Variants in SOX5 observed in about 807,000 individuals in gnomAD.
The protein encoded by SOX5 is SRY-box transcription factor 5, also known as transcription factor SOX-5.
A neutral mutation model predicts 92.0 loss-of-function variants in SOX5; 9 were observed. That is an observed-to-expected ratio of 0.10 (90% CI 0.06 to 0.17). The LOEUF is 0.17. Among genes scored for constraint, SOX5 ranks in the 10% least tolerant of loss-of-function variants. SOX5 has a pLI of 1.00. For synonymous variants in SOX5, 344 were observed against 336.3 expected, an observed-to-expected ratio of 1.02 and a Z score of -0.25; for missense variants, 642 against 944.5, an observed-to-expected ratio of 0.68 and a Z score of 4.20.
At chr12:23,826,908 A>G (rs1413644281) in intron 3 of SOX5, among the ~76,000 whole-genome samples, 4 of 152,226 alleles carry the variant, frequency 2.6e-5, no homozygotes, top group African/African-American at 9.6e-5. Flanking sequence ...GAAACAGTGA[A>G]TCAATTCTTA....
At chr12:23,908,189 TTTC>T (rs1469188135) in intron 1 of SOX5, among the ~76,000 whole-genome samples, 1 of 152,166 alleles carries the variant, frequency 6.6e-6, no homozygotes, top group Non-Finnish European at 1.5e-5. Flanking sequence ...CTAGTTTTAA[TTTC>T]TTTTGTTTTC....
intron 3 of SOX5, among the ~76,000 whole-genome samples, chr12:23,761,384 C>T (rs1304450133): frequency 1.3e-5 from 2 of 152,076 alleles, no homozygotes; most frequent in Admixed American, 6.6e-5. Flanking sequence ...AGATTTAGAT[C>T]ATTTTAGGTA....
intron 3 of SOX5, among the ~76,000 whole-genome samples, chr12:23,819,122 A>G (rs538036907): frequency 6.6e-6 from 1 of 152,384 alleles, no homozygotes; most frequent in African/African-American, 2.4e-5. Flanking sequence ...TATGTACTGT[A>G]CATAACTGTA....
At chr12:24,547,121 G>A (rs1325300156) in intron 1 of SOX5, among the ~76,000 whole-genome samples, 1 of 151,998 alleles carries the variant, frequency 6.6e-6, no homozygotes, top group Non-Finnish European at 1.5e-5. Context: ...AGGAAGTAGG[G>A]GTAGGAGGAG....
At chr12:23,581,447 T>C (rs1950029104) in intron 9 of SOX5, among the ~76,000 whole-genome samples, 2 of 152,132 alleles carry the variant, frequency 1.3e-5, no homozygotes, top group African/African-American at 4.8e-5. Flanking sequence ...TCATTCCATA[T>C]CACAGGTATC....
chr12:23,888,535 A>T (rs922873150), intron 2 of SOX5, among the ~76,000 whole-genome samples: 5 of 152,204 alleles, frequency 3.3e-5, no homozygotes, highest in Non-Finnish European at 1.5e-5. Context: ...TTCTCAGTTT[A>T]ACATTTGACT....
At chr12:23,840,326 A>G (rs571853484) in intron 3 of SOX5, among the ~76,000 whole-genome samples, 5 of 152,204 alleles carry the variant, frequency 3.3e-5, no homozygotes, top group Non-Finnish European at 7.4e-5. Context: ...CTCACCAGGA[A>G]TCATTAAAGA....
intron 2 of SOX5, among the ~76,000 whole-genome samples, chr12:23,875,346 C>G (rs1300473818): frequency 6.6e-6 from 1 of 152,074 alleles, no homozygotes; most frequent in Non-Finnish European, 1.5e-5. Context: ...AAGTTGGCTG[C>G]TGAAAGGTTT....
chr12:24,331,577 T>C (rs1810065), intron 2 of SOX5, among the ~76,000 whole-genome samples: 21,565 of 151,732 alleles, frequency 0.14, 3,265 homozygotes, highest in East Asian at 0.83. Context: ...AGGCCGGGCG[T>C]GGTGGCTCAC....
intron 6 of SOX5, among the ~76,000 whole-genome samples, chr12:23,705,292 G>T (rs915202412): frequency 6.6e-6 from 1 of 151,952 alleles, no homozygotes; most frequent in Non-Finnish European, 1.5e-5. Context: ...GTAAAAGAGC[G>T]CTGCATGTTT....
In SOX5 at chr12:24,526,644, C is replaced by T. The variant is rs114920756; in HGVS notation, c.-251+35685G>A. Reference sequence around the variant, plus strand: ...GAAGAGTGGGCTCCCCCAACCACAACAAGCCAGGCTCTCTCCCATCACTGG... The same window carrying T: ...GAAGAGTGGGCTCCCCCAACCACAATAAGCCAGGCTCTCTCCCATCACTGG... On this transcript the variant is annotated intron_variant, in intron 1 of 4. Transcript: ENST00000446891. 3.0e-3 allele frequency among the ~76,000 whole-genome samples: 449 copies of T among 152,198 alleles called. 2 individuals carry two copies. Among genetic ancestry groups the T allele is most frequent in the African/African-American group, 0.01 (436 of 41,532 alleles).
In SOX5 at chr12:23,665,467, C is replaced by A. The variant is rs2083644057; in HGVS notation, c.908G>T (p.Gly303Val). The change falls in exon 7 of 15, where the codon GGC (glycine) becomes GTC (valine). Residue 303 changes from glycine (G) to valine (V), a missense_variant. Physicochemically the swap from Gly to Val is moderately radical, Grantham distance 109. Around this residue, in one of 8 missense-constraint regions of SOX5, gnomAD observed 324 missense variants for 461.6 expected, o/e 0.70. Coordinates refer to ENST00000451604, the MANE Select transcript of SOX5 (RefSeq NM_006940.6). ...ACTACATCCAGCCTTATAGCTGAAG[C>A]CTGGAGGGAGGAGGAATCCTTGCTG... The part of the protein sequence containing the change: ...AAQQGFLLPP[G>V]FSYKAGCSDP... 1.2e-6 allele frequency: 2 copies of A among 1,613,502 alleles called. No individual in the cohort carries two copies. Among genetic ancestry groups the A allele is most frequent in the Non-Finnish European group, 1.7e-6 (2 of 1,179,602 alleles).
intron 4 of SOX5, among the ~76,000 whole-genome samples, chr12:24,117,271 C>T (rs1261652915): frequency 6.6e-6 from 1 of 152,160 alleles, no homozygotes; most frequent in Non-Finnish European, 1.5e-5. Flanking sequence ...GATATCACCT[C>T]ACACCTGTTA....
intron 10 of SOX5, among the ~76,000 whole-genome samples, chr12:23,570,114 A>G (rs61923842): frequency 0.024 from 3,644 of 152,314 alleles, 74 homozygotes; most frequent in Non-Finnish European, 0.037. Context: ...TGCCACACAA[A>G]TCTTATTTAC....
intron 2 of SOX5, among the ~76,000 whole-genome samples, chr12:24,303,350 T>C (rs1948208167): frequency 6.6e-6 from 1 of 152,180 alleles, no homozygotes; most frequent in African/African-American, 2.4e-5. Context: ...AACAAGACGT[T>C]AGACATCATG....
At chr12:23,842,797 A>G (rs1302186035) in intron 3 of SOX5, among the ~76,000 whole-genome samples, 2 of 152,194 alleles carry the variant, frequency 1.3e-5, no homozygotes, top group Admixed American at 1.3e-4. Context: ...AGAAGAGATA[A>G]ATCTCCCATG....
chr12:24,126,878 G>C (rs1221159527), intron 4 of SOX5, among the ~76,000 whole-genome samples: 1 of 152,008 alleles, frequency 6.6e-6, no homozygotes, highest in Non-Finnish European at 1.5e-5. Context: ...TCCCTATATG[G>C]AACTCCTCCC....
chr12:23,710,322 T>C (rs947913565), intron 6 of SOX5, among the ~76,000 whole-genome samples: 6 of 152,184 alleles, frequency 3.9e-5, no homozygotes, highest in African/African-American at 1.4e-4. Flanking sequence ...ACATGTGCCA[T>C]GTTGGTGTGC....
chr12:23,956,318 C>T lies in SOX5; in HGVS notation c.-1-60294G>A, dbSNP rs530160357. On this transcript the variant is annotated intron_variant, in intron 4 of 4. Coordinates refer to the SOX5 transcript ENST00000446891. Reference sequence around the variant, plus strand: ...TGCTCTAAGGCAGGGATCTCCAACCCCCAAGGCCAGTACTGGTCCATGTCC... The same window carrying T: ...TGCTCTAAGGCAGGGATCTCCAACCTCCAAGGCCAGTACTGGTCCATGTCC... Among the ~76,000 whole-genome samples the T allele has an allele frequency of 8.4e-4, 128 of 152,234 alleles. 1 individual carries two copies. The highest frequency in any genetic ancestry group is 3.1e-3 in the African/African-American group (128 of 41,548).
Sources: gnomAD v4.1 joint callset for allele counts (sites outside exome capture counted in the v4.1 genomes callset) on GRCh38, gnomAD v4.1.1 for gene constraint, gnomAD v4.1.1 regional missense constraint, MANE v1.5 for transcripts, NCBI Gene and HGNC (gene_info 2026-07-23, HGNC 2026-07-21) for gene names.